Variants in MMAB observed in about 807,000 individuals in gnomAD.
MMAB encodes metabolism of cobalamin associated B.
MMAB carries 17 observed loss-of-function variants against 30.6 expected under a neutral mutation model. That is an observed-to-expected ratio of 0.56 (90% CI 0.38 to 0.83). MMAB has a LOEUF of 0.83. MMAB is among the 40% of genes least tolerant of loss of function. The pLI is 0.00. For missense variants in MMAB, 311 were observed against 331.6 expected (o/e 0.94, Z 0.48); for synonymous variants, 134 against 138.6 (o/e 0.97, Z 0.23).
intron 1 of MMAB, 112 bp downstream of exon 1, chr12:109,573,235 A>G (rs1350884309): frequency 3.5e-6 from 5 of 1,412,466 alleles, no homozygotes; most frequent in Non-Finnish European, 4.9e-6. Flanking sequence ...AACAGCGTGG[A>G]GACGTCACCT....
At chr12:109,565,983 T>C (rs1884409039) in intron 3 of MMAB, among the ~76,000 whole-genome samples, 1 of 152,144 alleles carries the variant, frequency 6.6e-6, no homozygotes, top group Non-Finnish European at 1.5e-5. Context: ...AGGAGGGCTT[T>C]GGGAAGGGAC....
In MMAB at chr12:109,564,153, C is replaced by T. The variant is rs557349389; in HGVS notation, c.348+966G>A. Among the ~76,000 whole-genome samples, 15 of 152,334 alleles carry T rather than the reference C, an allele frequency of 9.8e-5. No homozygotes were observed. The East Asian group carries it at 2.1e-3, about 22-fold the overall frequency. ...TCAAGGCCGGGTCATTCTTCGTTGA[C>T]GGGGGCTGTCCCCTGCATTGCAGGA... is the stretch of plus-strand genomic sequence containing the variant. On this transcript the variant is annotated intron_variant, in intron 4 of 8. Transcript: ENST00000545712.
intron 2 of MMAB, chr12:109,570,168 C>A: frequency 4.2e-6 from 1 of 236,148 alleles, no homozygotes; most frequent in South Asian, 3.4e-5. Flanking sequence ...GAGGCTGAGG[C>A]ATAAGAATTG....
In MMAB at chr12:109,561,638, G is replaced by A; in HGVS notation, c.422-121C>T. 1 of 1,215,664 alleles carries A rather than the reference G, an allele frequency of 8.2e-7. No individual in the cohort carries two copies. Among genetic ancestry groups the A allele is most frequent in the Non-Finnish European group, 1.2e-6 (1 of 849,380 alleles). The allele number at this position is 1,215,664 out of a possible 1,614,324, so 75.3% of individuals were successfully genotyped here. Reference sequence around the variant, plus strand: ...GCAGACTGCTTCCACTGGCTCAGAAGGTACCTTCCCTCCCAGGAGCTACGA... The same window carrying A: ...GCAGACTGCTTCCACTGGCTCAGAAAGTACCTTCCCTCCCAGGAGCTACGA... On this transcript the variant is annotated intron_variant, in intron 5 of 8. Coordinates refer to ENST00000545712, the MANE Select transcript of MMAB (RefSeq NM_052845.4). The surrounding 1 kb of genome is among the most constrained non-coding windows in gnomAD (Gnocchi z 5.3).
Position 109,556,648 on chromosome 12 carries a change from TCACACACA to T in MMAB, c.*372_*379del, listed in dbSNP as rs67024670. The T allele has an allele frequency of 0.012, 3,788 of 327,840 alleles. 8 individuals are homozygous for T. Among genetic ancestry groups the T allele is most frequent in the East Asian group, 0.065 (785 of 12,116 alleles). 20.3% of individuals were successfully genotyped at this position (327,840 alleles called of 1,614,324 possible). A position where few individuals can be genotyped will look rare whatever the true frequency, so the allele number is the denominator to read the frequency against. ...GAGCTGGCAGTGGGAGGGCTCTCTC[TCACACACA>T]CACACACACACACACACACACACAC... On this transcript the variant is annotated 3_prime_UTR_variant, in exon 9 of 9. Transcript: ENST00000545712.
Position 109,556,989 on chromosome 12 carries a change from G to T in MMAB, c.*39C>A. ...GCAAGCTCCTCTCTCCACGGCCATCGCCATGGAGGGATCCTCCAAGCTCCC... is the reference window on the plus strand; with the variant it reads ...GCAAGCTCCTCTCTCCACGGCCATCTCCATGGAGGGATCCTCCAAGCTCCC... On this transcript the variant is annotated 3_prime_UTR_variant, in exon 9 of 9. Transcript: ENST00000545712. 7.2e-7 allele frequency: 1 copy of T among 1,390,714 alleles called. No homozygotes were observed. Among genetic ancestry groups the T allele is most frequent in the Non-Finnish European group, 1.0e-6 (1 of 978,070 alleles). The allele number at this position is 1,390,714 out of a possible 1,614,324, so 86.1% of individuals were successfully genotyped here. A position where few individuals can be genotyped will look rare whatever the true frequency, so the allele number is the denominator to read the frequency against.
At chr12:109,567,121 G>C (rs1220297956) in intron 3 of MMAB, 1 of 441,658 alleles carries the variant, frequency 2.3e-6, no homozygotes, top group Admixed American at 2.4e-5. Flanking sequence ...AGTGAGCCGA[G>C]ATCACACCAT....
chr12:109,562,116 GAT>G (rs917196706), intron 4 of MMAB, among the ~76,000 whole-genome samples: 6 of 152,284 alleles, frequency 3.9e-5, no homozygotes, highest in African/African-American at 1.4e-4. Flanking sequence ...GCTGTCTTGT[GAT>G]AGAGTTCTCA....
rs68153744 is a variant in MMAB at position 109,560,789 on chromosome 12, C to T, written c.584+251G>A. On this transcript the variant is annotated intron_variant, in intron 7 of 8. Coordinates refer to ENST00000545712, the MANE Select transcript of MMAB (RefSeq NM_052845.4). ...GTCACATGTCACTGTCTCCACTTCA[C>T]AACATGGTGCTCTGAGGACAGGGAC... Among the ~76,000 whole-genome samples, 8,144 of 152,312 alleles carry T rather than the reference C, an allele frequency of 0.053. 301 individuals carry two copies. Among genetic ancestry groups the T allele is most frequent in the Non-Finnish European group, 0.082 (5,603 of 68,016 alleles).
At chr12:109,573,237 A>T in intron 1 of MMAB, 110 bp downstream of exon 1, 56 of 1,437,406 alleles carry the variant, frequency 3.9e-5, no homozygotes, top group Non-Finnish European at 5.2e-5. Context: ...CAGCGTGGAG[A>T]CGTCACCTGA....
chr12:109,556,071 A>G lies in MMAB; in HGVS notation c.*957T>C. ...CTTGGGGCTGCCTCTTCTGCCCTTC[A>G]TAAATATTGCCTTTCCCAAGGACAC... On this transcript the variant is annotated 3_prime_UTR_variant, in exon 9 of 9. Coordinates refer to ENST00000545712, the MANE Select transcript of MMAB (RefSeq NM_052845.4). 1 of 454,044 alleles carries G rather than the reference A, an allele frequency of 2.2e-6. No individual in the cohort carries two copies. Among genetic ancestry groups the G allele is most frequent in the Non-Finnish European group, 4.4e-6 (1 of 226,770 alleles). The allele number at this position is 454,044 out of a possible 1,614,324, so 28.1% of individuals were successfully genotyped here. A position where few individuals can be genotyped will look rare whatever the true frequency, so the allele number is the denominator to read the frequency against.
rs1883916448 is a variant in MMAB, at chr12:109,555,145, G to A, written c.*1883C>T. The A allele has an allele frequency of 2.2e-6, 1 of 449,370 alleles. No individual in the cohort carries two copies. The highest frequency in any genetic ancestry group is 4.4e-6 in the Non-Finnish European group (1 of 225,052). 27.8% of individuals were successfully genotyped at this position (449,370 alleles called of 1,614,324 possible). A position where few individuals can be genotyped will look rare whatever the true frequency, so the allele number is the denominator to read the frequency against. ...CCATGGCTAGGCATGCAGGGCTGCTGTGTTATTTTATATATATATATATAT... is the reference window on the plus strand; with the variant it reads ...CCATGGCTAGGCATGCAGGGCTGCTATGTTATTTTATATATATATATATAT... On this transcript the variant is annotated 3_prime_UTR_variant, in exon 9 of 9. Transcript: ENST00000545712.
chr12:109,563,963 G>A (rs569321672), intron 4 of MMAB, among the ~76,000 whole-genome samples: 12 of 152,340 alleles, frequency 7.9e-5, no homozygotes, highest in South Asian at 2.1e-4. Context: ...AGTTCTCTGC[G>A]TGGGTCAGAG....
Position 109,564,871 on chromosome 12 carries a change from GTCT to G in MMAB, c.348+245_348+247del. The G allele has an allele frequency of 5.0e-6, 3 of 604,152 alleles. No individual in the cohort carries two copies. In the South Asian group the frequency reaches 5.7e-5, roughly 12 times the overall value. 37.4% of individuals were successfully genotyped at this position (604,152 alleles called of 1,614,324 possible). A position where few individuals can be genotyped will look rare whatever the true frequency, so the allele number is the denominator to read the frequency against. On this transcript the variant is annotated intron_variant, in intron 4 of 8. Transcript: ENST00000545712. ...TTTTCAAATATTTTGTAGAGTCAGG[GTCT>G]TATTATGTTACCTAGGCTCCTGGCC...
In MMAB at chr12:109,555,578, G is replaced by A. The variant is rs1185891613; in HGVS notation, c.*1450C>T. On this transcript the variant is annotated 3_prime_UTR_variant, in exon 9 of 9. Transcript: ENST00000545712. ...CAAAGTCCGTTTTCAGCTCTGTTTT[G>A]CAAACACTGAGCACCGACTCCGTAC... 3 of 449,202 alleles carry A rather than the reference G, an allele frequency of 6.7e-6. No homozygotes were observed. In the Admixed American group the frequency reaches 7.2e-5, roughly 11 times the overall value. The allele number at this position is 449,202 out of a possible 1,614,324, so 27.8% of individuals were successfully genotyped here.
rs1275005928 is a variant in MMAB at position 109,561,600 on chromosome 12, A to G, written c.422-83T>C. 3.0e-6 allele frequency: 4 copies of G among 1,320,426 alleles called. No homozygotes were observed. The highest frequency in any genetic ancestry group is 4.2e-6 in the Non-Finnish European group (4 of 946,852). 81.8% of individuals were successfully genotyped at this position (1,320,426 alleles called of 1,614,324 possible). On this transcript the variant is annotated intron_variant, in intron 5 of 8. Transcript: ENST00000545712. The surrounding 1 kb of genome is among the most constrained non-coding windows in gnomAD (Gnocchi z 5.3). ...CGGGAACCACCCCCGCCGCCCTTCC[A>G]CCTGGGTGTCCCGCAGACTGCTTCC...
At chr12:109,566,257 C>T (rs72650190) in intron 3 of MMAB, among the ~76,000 whole-genome samples, 17 of 152,324 alleles carry the variant, frequency 1.1e-4, no homozygotes, top group African/African-American at 1.7e-4. Flanking sequence ...AGAAGACCAA[C>T]GAATCGAGGT....
chr12:109,564,487 G>A (rs1233003778), intron 4 of MMAB, among the ~76,000 whole-genome samples: 3 of 150,928 alleles, frequency 2.0e-5, no homozygotes, highest in East Asian at 2.0e-4. Flanking sequence ...AGACTCAAGC[G>A]ATTCTCCCAC....
intron 1 of MMAB, 53 bp downstream of exon 1, chr12:109,573,294 G>T: frequency 6.2e-7 from 1 of 1,610,052 alleles, no homozygotes; most frequent in South Asian, 1.1e-5. Context: ...CCATGGCGAC[G>T]ACACCACGAT....
Sources: gnomAD v4.1 joint callset for allele counts (sites outside exome capture counted in the v4.1 genomes callset) on GRCh38, gnomAD v4.1.1 for gene constraint, Gnocchi (gnomAD v3.1) non-coding constraint, MANE v1.5 for transcripts, NCBI Gene and HGNC (gene_info 2026-07-23, HGNC 2026-07-21) for gene names.